The following FHIT variants were observed in gnomAD, a reference collection of about 807,000 sequenced individuals.
FHIT encodes fragile histidine triad diadenosine triphosphatase.
Under a neutral mutation model 17.9 loss-of-function variants are expected in FHIT, and 19 were observed. The ratio of observed to expected loss-of-function variants is 1.06; its 90% CI spans 0.74 to 1.56. The LOEUF (loss-of-function observed/expected upper bound fraction) is 1.56. Ranked by LOEUF, FHIT falls within the 40% of genes most tolerant of loss-of-function variation. The pLI is 0.00. For synonymous variants in FHIT, 81 were observed against 69.7 expected, an observed-to-expected ratio of 1.16 and a Z score of -0.81; for missense variants, 248 against 189.2, an observed-to-expected ratio of 1.31 and a Z score of -1.82.
intron 3 of FHIT, among the ~76,000 whole-genome samples, chr3:60,991,414 C>T (rs116550296): frequency 0.013 from 1,915 of 152,158 alleles, 43 homozygotes; most frequent in African/African-American, 0.044. Context: ...GGACAGCCAC[C>T]GAAGGTTCAA....
At chr3:61,120,277 T>A (rs2106919091) in intron 2 of FHIT, among the ~76,000 whole-genome samples, 1 of 152,372 alleles carries the variant, frequency 6.6e-6, no homozygotes, top group Non-Finnish European at 1.5e-5. Context: ...ACTCTTAGCA[T>A]GTTGTCACTT....
At position 60,364,728 on chromosome 3, in the gene FHIT, G is replaced by A. The variant is rs552680954; in HGVS notation, c.103+172132C>T. On this transcript the variant is annotated intron_variant, in intron 5 of 9. Transcript: ENST00000492590. ...GTGAGGGTGTTTCCAGAAGAGAATA[G>A]CATTTGAATTGGTGAACTGAGTACA... Among the ~76,000 whole-genome samples the A allele has an allele frequency of 3.3e-5, 5 of 152,274 alleles. No homozygotes were observed. In the East Asian group the frequency reaches 7.7e-4, roughly 24 times the overall value.
intron 4 of FHIT, among the ~76,000 whole-genome samples, chr3:60,656,469 G>A (rs932428754): frequency 1.3e-5 from 2 of 152,138 alleles, no homozygotes; most frequent in Non-Finnish European, 2.9e-5. Flanking sequence ...GAGGACGCCC[G>A]CACCCAAATG....
intron 8 of FHIT, among the ~76,000 whole-genome samples, chr3:59,806,260 C>T (rs566816386): frequency 6.6e-6 from 1 of 151,846 alleles, no homozygotes; most frequent in Admixed American, 6.5e-5. Context: ...TGTTATGTGG[C>T]AAGAGGGGTA....
At chr3:60,618,790 A>G (rs574504195) in intron 4 of FHIT, among the ~76,000 whole-genome samples, 46 of 152,306 alleles carry the variant, frequency 3.0e-4, no homozygotes, top group African/African-American at 9.9e-4. Flanking sequence ...AAAGTGGAAG[A>G]AGGAGGCAAA....
intron 8 of FHIT, among the ~76,000 whole-genome samples, chr3:59,848,248 G>C (rs188913871): frequency 3.9e-5 from 6 of 152,116 alleles, no homozygotes; most frequent in African/African-American, 1.4e-4. Context: ...ATCACAATTT[G>C]TGCCCCTTTC....
Position 59,898,152 on chromosome 3 carries a change from G to A in FHIT, c.348+24194C>T, listed in dbSNP as rs569472051. Reference sequence around the variant, plus strand: ...TGTTATGATGGGTCACAGTAAAAATGCAGTTAAAACTCTGTTTCATGGACA... The same window carrying A: ...TGTTATGATGGGTCACAGTAAAAATACAGTTAAAACTCTGTTTCATGGACA... On this transcript the variant is annotated intron_variant, in intron 8 of 9. Transcript: ENST00000492590. Among the ~76,000 whole-genome samples the A allele has an allele frequency of 3.3e-5, 5 of 152,246 alleles. No individual in the cohort carries two copies. In the East Asian group the frequency reaches 9.7e-4, roughly 29 times the overall value.
intron 7 of FHIT, among the ~76,000 whole-genome samples, chr3:59,923,076 G>A (rs925714236): frequency 6.6e-6 from 1 of 151,712 alleles, no homozygotes; most frequent in Admixed American, 6.6e-5. Flanking sequence ...TGGCCAACAC[G>A]GTGAAACTCC....
chr3:61,150,482 A>G (rs2037355185), intron 2 of FHIT, among the ~76,000 whole-genome samples: 1 of 151,906 alleles, frequency 6.6e-6, no homozygotes, highest in Non-Finnish European at 1.5e-5. Flanking sequence ...TTTAACTCAT[A>G]TTTTCTGAGG....
At chr3:59,795,616 C>A (rs510015) in intron 8 of FHIT, among the ~76,000 whole-genome samples, 13,829 of 151,846 alleles carry the variant, frequency 0.091, 840 homozygotes, top group Non-Finnish European at 0.13. Flanking sequence ...CCCAGCTACT[C>A]AGGAGACTGA....
In FHIT at chr3:61,014,506, G is replaced by A. The variant is rs186021858; in HGVS notation, c.-111+27541C>T. Among the ~76,000 whole-genome samples, 142 of 151,892 alleles carry A rather than the reference G, an allele frequency of 9.3e-4. 1 individual carries two copies. Among genetic ancestry groups the A allele is most frequent in the Non-Finnish European group, 1.5e-3 (102 of 67,960 alleles). On this transcript the variant is annotated intron_variant, in intron 3 of 9. Transcript: ENST00000492590. The stretch of plus-strand genomic sequence containing the variant: ...TATATATACGTACATCCGGCTGGGC[G>A]CAGTGGCTCATGCCTGCAATCCCAG...
chr3:59,764,733 T>C (rs1226047467), intron 8 of FHIT, among the ~76,000 whole-genome samples: 1 of 152,184 alleles, frequency 6.6e-6, no homozygotes, highest in Admixed American at 6.5e-5. Flanking sequence ...AATGCTTTTT[T>C]TTTTCTAACC....
intron 6 of FHIT, among the ~76,000 whole-genome samples, chr3:60,012,460 G>A (rs998909001): frequency 3.3e-5 from 5 of 151,572 alleles, no homozygotes; most frequent in African/African-American, 7.3e-5. Flanking sequence ...TTAGGGACAG[G>A]GTTTTGCCAT....
At chr3:60,309,137 T>C (rs890908091) in intron 5 of FHIT, among the ~76,000 whole-genome samples, 2 of 152,134 alleles carry the variant, frequency 1.3e-5, no homozygotes, top group African/African-American at 4.8e-5. Context: ...GTCAGGGAAG[T>C]GCTAGCAATT....
chr3:60,042,399 A>G (rs1701477721), intron 5 of FHIT, among the ~76,000 whole-genome samples: 3 of 152,306 alleles, frequency 2.0e-5, no homozygotes, highest in African/African-American at 7.2e-5. Flanking sequence ...CTGGCTTAGA[A>G]AAGAGACATG....
chr3:61,212,338 A>T (rs1313139205), intron 1 of FHIT, among the ~76,000 whole-genome samples: 1 of 152,246 alleles, frequency 6.6e-6, no homozygotes, highest in African/African-American at 2.4e-5. Context: ...CCAAGGCACG[A>T]GAACTACGTG....
chr3:60,527,224 G>C (rs1376634067), intron 5 of FHIT, among the ~76,000 whole-genome samples: 3 of 152,194 alleles, frequency 2.0e-5, no homozygotes, highest in Non-Finnish European at 4.4e-5. Context: ...AAACAGAATA[G>C]AAAATACTAA....
chr3:60,663,256 G>C (rs771425615), intron 4 of FHIT, among the ~76,000 whole-genome samples: 41 of 147,660 alleles, frequency 2.8e-4, no homozygotes, highest in Middle Eastern at 3.4e-3. Flanking sequence ...TATAAATGGA[G>C]ATCAAATAAG....
chr3:60,800,614 T>G (rs782230356), intron 4 of FHIT, among the ~76,000 whole-genome samples: 2 of 152,164 alleles, frequency 1.3e-5, no homozygotes, highest in African/African-American at 2.4e-5. Flanking sequence ...AAGTACACTC[T>G]GAAATGGGTA....
Sources: gnomAD v4.1 joint callset for allele counts (sites outside exome capture counted in the v4.1 genomes callset) on GRCh38, gnomAD v4.1.1 for gene constraint, MANE v1.5 for transcripts, NCBI Gene and HGNC (gene_info 2026-07-23, HGNC 2026-07-21) for gene names.